TXLNG: variants seen among roughly 807,000 people sequenced by gnomAD.
TXLNG encodes gamma-taxilin.
Under a neutral mutation model 38.8 loss-of-function variants are expected in TXLNG, and 5 were observed. The observed-to-expected ratio is 0.13, with a 90% CI of 0.07 to 0.27. The LOEUF (loss-of-function observed/expected upper bound fraction) is 0.27, where lower values mean the gene tolerates loss of function less well. TXLNG is among the 10% of genes least tolerant of loss of function. The pLI is 1.00. For missense variants in TXLNG, 393 were observed against 398.2 expected (o/e 0.99, Z 0.11); for synonymous variants, 182 against 158.2 (o/e 1.15, Z -1.13).
chrX:16,824,413 T>C (rs1205249977), intron 3 of TXLNG, among the ~76,000 whole-genome samples: 3 of 111,514 alleles, frequency 2.7e-5, no homozygotes. Flanking sequence ...GAGGCAACAA[T>C]CAATTCCAAA....
intron 1 of TXLNG, among the ~76,000 whole-genome samples, chrX:16,813,379 C>T (rs189851597): frequency 3.6e-5 from 4 of 110,217 alleles, no homozygotes; most frequent in Non-Finnish European, 5.7e-5. Flanking sequence ...TGGTGGCTCA[C>T]GCCTGTAATC....
chrX:16,841,163 C>T (rs1351908760), intron 9 of TXLNG, among the ~76,000 whole-genome samples: 1 of 109,795 alleles, frequency 9.1e-6, no homozygotes, highest in Admixed American at 9.7e-5. Flanking sequence ...CCATTGCACT[C>T]CAGCCTGGCA....
At chrX:16,836,101 T>A (rs1384581059) in intron 7 of TXLNG, among the ~76,000 whole-genome samples, 1 of 111,917 alleles carries the variant, frequency 8.9e-6, no homozygotes, top group Non-Finnish European at 1.9e-5. Context: ...CTATAAAAGA[T>A]ACAAAAATTA....
intron 8 of TXLNG, 71 bp downstream of exon 8, chrX:16,837,756 A>G (rs1929645911): frequency 2.5e-6 from 2 of 812,800 alleles, no homozygotes; most frequent in Admixed American, 3.3e-5. Flanking sequence ...TGTGATTACT[A>G]TTTTGCTGAG....
chrX:16,841,859 A>G lies in TXLNG; in HGVS notation c.*93A>G, dbSNP rs1322951642. 4 of 955,997 alleles carry G rather than the reference A, an allele frequency of 4.2e-6. No homozygotes were observed. In the African/African-American group the frequency reaches 7.9e-5, roughly 19 times the overall value. 78.8% of individuals were successfully genotyped at this position (955,997 alleles called of 1,213,427 possible). ...TTGGTTTTGTGGTGAAAATTTTCTT[A>G]CTTTTTCTACCATATCTGTATTTTC... On this transcript the variant is annotated 3_prime_UTR_variant, in exon 10 of 10. Coordinates refer to ENST00000380122, the MANE Select transcript of TXLNG (RefSeq NM_018360.3).
chrX:16,828,038 C>T (rs1316222753), intron 3 of TXLNG, 56 bp from the exon 4 acceptor site: 1 of 1,068,513 alleles, frequency 9.4e-7, no homozygotes, highest in African/African-American at 1.9e-5. Context: ...TAATTCTAGC[C>T]ATAACTGTAA....
At chrX:16,811,022 C>G (rs929065772) in intron 1 of TXLNG, among the ~76,000 whole-genome samples, 1 of 111,889 alleles carries the variant, frequency 8.9e-6, no homozygotes. Flanking sequence ...TGCCTAGGTT[C>G]TTTTTGTGGA....
chrX:16,806,119 C>G (rs978174138), intron 1 of TXLNG, among the ~76,000 whole-genome samples: 15 of 112,524 alleles, frequency 1.3e-4, no homozygotes. Flanking sequence ...ATGACTTATA[C>G]AAAGCTGAAG....
chrX:16,807,714 CT>C (rs1198712678), intron 1 of TXLNG, among the ~76,000 whole-genome samples: 2 of 111,219 alleles, frequency 1.8e-5, no homozygotes, highest in African/African-American at 6.5e-5. Context: ...ATACACACAA[CT>C]TTTCCCAACT....
At chrX:16,826,955 A>T (rs1199694375) in intron 3 of TXLNG, among the ~76,000 whole-genome samples, 1 of 108,983 alleles carries the variant, frequency 9.2e-6, no homozygotes, top group Non-Finnish European at 1.9e-5. Context: ...CCGGCCGGGC[A>T]TGGTGGCTTA....
intron 3 of TXLNG, among the ~76,000 whole-genome samples, chrX:16,826,285 TC>T (rs983231355): frequency 2.7e-5 from 3 of 112,165 alleles, no homozygotes; most frequent in Non-Finnish European, 3.8e-5. Flanking sequence ...TGATTTTTTT[TC>T]CTGCAAGAAT....
Position 16,792,084 on chromosome X carries a change from A to G in TXLNG, c.102+5495A>G, listed in dbSNP as rs574980174. ...CTTCTCAGAGTTATGTTTCAAAGGA[A>G]AGAAATTTGGAGACCTCAAATTTCA... On this transcript the variant is annotated intron_variant, in intron 1 of 9. Transcript: ENST00000380122. Among the ~76,000 whole-genome samples, 18 of 112,213 alleles carry G rather than the reference A, an allele frequency of 1.6e-4. No individual in the cohort carries two copies. The East Asian group carries it at 1.7e-3, about 10-fold the overall frequency.
chrX:16,802,704 C>T (rs779877840), intron 1 of TXLNG, among the ~76,000 whole-genome samples: 1 of 111,290 alleles, frequency 9.0e-6, no homozygotes, highest in Non-Finnish European at 1.9e-5. Context: ...CTGTGATATC[C>T]AACCAAAATC....
chrX:16,811,504 C>T (rs766625838), intron 1 of TXLNG, among the ~76,000 whole-genome samples: 50 of 111,104 alleles, frequency 4.5e-4, no homozygotes, highest in African/African-American at 1.5e-3. Flanking sequence ...TGCACCACCA[C>T]GCCCAGCTAA....
chrX:16,787,139 G>T (rs886187539), intron 1 of TXLNG, among the ~76,000 whole-genome samples: 1 of 112,035 alleles, frequency 8.9e-6, no homozygotes, highest in South Asian at 3.7e-4. Flanking sequence ...CCCTTCCCCC[G>T]CCCCCCTGCG....
chrX:16,790,817 A>G (rs1927675326), intron 1 of TXLNG, among the ~76,000 whole-genome samples: 3 of 111,914 alleles, frequency 2.7e-5, no homozygotes, highest in South Asian at 3.7e-4. Flanking sequence ...AAGCTGCTCA[A>G]CGATGTTAAC....
At chrX:16,818,488 G>A in intron 1 of TXLNG, 86 bp from the exon 2 acceptor site, 1 of 1,056,315 alleles carries the variant, frequency 9.5e-7, no homozygotes, top group Non-Finnish European at 1.3e-6. Flanking sequence ...AAAACTATCA[G>A]GCTATGATGT....
intron 1 of TXLNG, among the ~76,000 whole-genome samples, chrX:16,787,501 A>G (rs774301295): frequency 9.1e-6 from 1 of 110,470 alleles, no homozygotes; most frequent in Non-Finnish European, 1.9e-5. Context: ...CCCTTGCCTT[A>G]CTTGACTCAC....
At chrX:16,818,974 T>G in intron 2 of TXLNG, 97 bp downstream of exon 2, 1 of 939,567 alleles carries the variant, frequency 1.1e-6, no homozygotes, top group East Asian at 3.4e-5. Context: ...ACTTTAGAGG[T>G]GCTTAGCCAA....
Sources: gnomAD v4.1 joint callset for allele counts (sites outside exome capture counted in the v4.1 genomes callset) on GRCh38, gnomAD v4.1.1 for gene constraint, MANE v1.5 for transcripts, NCBI Gene and HGNC (gene_info 2026-07-23, HGNC 2026-07-21) for gene names.